SCFD2: variants seen among roughly 807,000 people sequenced by gnomAD.
The protein encoded by SCFD2 is sec1 family domain containing 2, also known as sec1 family domain-containing protein 2.
In SCFD2, 54 loss-of-function variants were observed where a neutral mutation model predicts 58.9. The observed-to-expected ratio is 0.92, with a 90% CI of 0.74 to 1.15. The LOEUF is 1.15. Ranked by LOEUF, SCFD2 falls within the 50% of genes most tolerant of loss-of-function variation. SCFD2 has a pLI of 0.00. For missense variants in SCFD2, 805 were observed against 836.6 expected (o/e 0.96, Z 0.47); for synonymous variants, 321 against 335.9 (o/e 0.96, Z 0.49).
intron 5 of SCFD2, among the ~76,000 whole-genome samples, chr4:53,107,586 G>A (rs1039208532): frequency 1.9e-4 from 29 of 152,070 alleles, no homozygotes; most frequent in African/African-American, 5.6e-4. Flanking sequence ...CCTAGTCCCC[G>A]ATTAAACAGA....
At chr4:53,204,012 G>C (rs7656903) in intron 4 of SCFD2, among the ~76,000 whole-genome samples, 39,044 of 152,032 alleles carry the variant, frequency 0.26, 5,555 homozygotes, top group Non-Finnish European at 0.31. Context: ...CCCAGAAGAT[G>C]CATCCAGATC....
chr4:52,922,925 C>A (rs1719774683), intron 5 of SCFD2, among the ~76,000 whole-genome samples: 1 of 152,166 alleles, frequency 6.6e-6, no homozygotes, highest in Non-Finnish European at 1.5e-5. Context: ...AGTGAGGATA[C>A]ACGTGTTGAA....
chr4:53,365,875 G>A lies in SCFD2; in HGVS notation c.67C>T (p.Arg23Trp), dbSNP rs765552938. ...GCGGCGTCCAGGTAAACCACAGCCC[G>A]TTTCACTTTGGCCAGCACCTGCTCC... is the stretch of plus-strand genomic sequence containing the variant. ...GWEQVLAKVK[R>W]AVVYLDAACA... The change falls in exon 1 of 9, where the codon CGG becomes TGG. Residue 23 changes from arginine (R) to tryptophan (W), a missense_variant. Around this residue, in one of 3 missense-constraint regions of SCFD2, gnomAD observed 155 missense variants for 149.7 expected, o/e 1.04. Transcript: ENST00000401642. The surrounding 1 kb of genome is among the most constrained non-coding windows in gnomAD (Gnocchi z 4.3). 1.2e-5 allele frequency: 19 copies of A among 1,608,130 alleles called. No individual in the cohort carries two copies. The Middle Eastern group carries it at 6.6e-4, about 56-fold the overall frequency.
chr4:53,320,500 C>T (rs551320885), intron 2 of SCFD2, among the ~76,000 whole-genome samples: 1 of 152,204 alleles, frequency 6.6e-6, no homozygotes, highest in East Asian at 1.9e-4. Context: ...GCCGGCAATC[C>T]CAGCTACTCA....
intron 8 of SCFD2, among the ~76,000 whole-genome samples, chr4:52,876,810 T>G (rs76154864): frequency 7.1e-6 from 1 of 140,830 alleles, no homozygotes; most frequent in Non-Finnish European, 1.6e-5. Context: ...TCTTTTTAAA[T>G]GTACACCTAA....
At chr4:53,184,760 T>C (rs997479499) in intron 4 of SCFD2, among the ~76,000 whole-genome samples, 1 of 152,062 alleles carries the variant, frequency 6.6e-6, no homozygotes, top group Admixed American at 6.6e-5. Context: ...GTATCAATAG[T>C]GCTATGCAAA....
chr4:53,336,579 C>T (rs1733690956), intron 2 of SCFD2, among the ~76,000 whole-genome samples: 1 of 151,912 alleles, frequency 6.6e-6, no homozygotes, highest in Admixed American at 6.6e-5. Context: ...GACTGGAATA[C>T]AGTGGTGCAA....
At chr4:53,105,196 C>A (rs1724952863) in intron 5 of SCFD2, among the ~76,000 whole-genome samples, 1 of 152,142 alleles carries the variant, frequency 6.6e-6, no homozygotes. Context: ...ACCTGCAGAC[C>A]AGGAGATTCA....
At chr4:53,218,659 G>A (rs370695733) in intron 4 of SCFD2, among the ~76,000 whole-genome samples, 16 of 152,292 alleles carry the variant, frequency 1.1e-4, no homozygotes, top group Non-Finnish European at 1.8e-4. Context: ...GACATTCTCC[G>A]TCCAGCTTTC....
intron 2 of SCFD2, among the ~76,000 whole-genome samples, chr4:53,347,664 G>A (rs547232741): frequency 1.6e-4 from 24 of 152,168 alleles, no homozygotes; most frequent in Admixed American, 9.2e-4. Context: ...AAGAGCCAAA[G>A]CCCTGAGGCA....
chr4:53,074,888 C>T lies in SCFD2; in HGVS notation c.1561+70445G>A, dbSNP rs188570204. On this transcript the variant is annotated intron_variant, in intron 5 of 8. Coordinates refer to ENST00000401642, the MANE Select transcript of SCFD2 (RefSeq NM_152540.4). ...CCCCTAAAATTTTCAGAATGGTAAACGAGCATTTGCTTCGAGTGAAAGTCA... is the reference window on the plus strand; with the variant it reads ...CCCCTAAAATTTTCAGAATGGTAAATGAGCATTTGCTTCGAGTGAAAGTCA... Among the ~76,000 whole-genome samples, 641 of 152,226 alleles carry T rather than the reference C, an allele frequency of 4.2e-3. 5 individuals carry two copies. The highest frequency in any genetic ancestry group is 7.9e-3 in the Non-Finnish European group (538 of 68,008).
At chr4:53,223,787 C>T (rs533577052) in intron 4 of SCFD2, among the ~76,000 whole-genome samples, 1 of 152,142 alleles carries the variant, frequency 6.6e-6, no homozygotes, top group Non-Finnish European at 1.5e-5. Context: ...TTATAGAGAG[C>T]TCTATTTATG....
At chr4:53,323,530 ATTTTT>A (rs1201482656) in intron 2 of SCFD2, among the ~76,000 whole-genome samples, 1 of 106,764 alleles carries the variant, frequency 9.4e-6, no homozygotes, top group Non-Finnish European at 1.8e-5. Flanking sequence ...TGCCCAGCTA[ATTTTT>A]TTTTTTTTTT....
In SCFD2 at chr4:52,986,740, C is replaced by A. The variant is rs55753703; in HGVS notation, c.1562-65870G>T. Among the ~76,000 whole-genome samples the A allele has an allele frequency of 9.2e-3, 1,406 of 152,046 alleles. 6 individuals are homozygous for A. The highest frequency in any genetic ancestry group is 0.016 in the Non-Finnish European group (1,077 of 67,974). Reference sequence around the variant, plus strand: ...GGTCTCGATCTCCTGACCTCGTGATCCACCCGCCTCGGCCTCACAAAGTGC... The same window carrying A: ...GGTCTCGATCTCCTGACCTCGTGATACACCCGCCTCGGCCTCACAAAGTGC... On this transcript the variant is annotated intron_variant, in intron 5 of 8. Transcript: ENST00000401642.
At chr4:53,219,346 CT>C (rs1400698959) in intron 4 of SCFD2, among the ~76,000 whole-genome samples, 1 of 152,218 alleles carries the variant, frequency 6.6e-6, no homozygotes, top group African/African-American at 2.4e-5. Flanking sequence ...GCGGGCGCCC[CT>C]CCCCCAGCCT....
intron 4 of SCFD2, among the ~76,000 whole-genome samples, chr4:53,169,765 C>A (rs1048214624): frequency 1.3e-5 from 2 of 152,062 alleles, no homozygotes; most frequent in African/African-American, 4.8e-5. Flanking sequence ...GTGGTTTTAA[C>A]TTGTTTTCCT....
chr4:53,302,530 G>GTAAT (rs1430686805), intron 3 of SCFD2, among the ~76,000 whole-genome samples: 4 of 152,110 alleles, frequency 2.6e-5, no homozygotes, highest in African/African-American at 9.7e-5. Context: ...ACTGCCCAAG[G>GTAAT]TAATTTATAG....
chr4:52,965,377 C>T (rs1481067544), intron 5 of SCFD2, among the ~76,000 whole-genome samples: 1 of 152,130 alleles, frequency 6.6e-6, no homozygotes, highest in African/African-American at 2.4e-5. Flanking sequence ...CCTCTGGCAC[C>T]CCTAACCAAT....
At chr4:53,046,810 G>T (rs766154620) in intron 5 of SCFD2, among the ~76,000 whole-genome samples, 2 of 152,090 alleles carry the variant, frequency 1.3e-5, no homozygotes, top group Non-Finnish European at 2.9e-5. Context: ...TGGGATTACA[G>T]GCACGCGCCA....
Sources: gnomAD v4.1 joint callset for allele counts (sites outside exome capture counted in the v4.1 genomes callset) on GRCh38, gnomAD v4.1.1 for gene constraint, gnomAD v4.1.1 regional missense constraint, Gnocchi (gnomAD v3.1) non-coding constraint, MANE v1.5 for transcripts, NCBI Gene and HGNC (gene_info 2026-07-23, HGNC 2026-07-21) for gene names.